SLC25A12: variants seen among roughly 807,000 people sequenced by gnomAD.
SLC25A12 encodes solute carrier family 25 member 12.
In SLC25A12, 32 loss-of-function variants were observed where a neutral mutation model predicts 83.3. The observed-to-expected ratio is 0.38, with a 90% CI of 0.29 to 0.52. The LOEUF (loss-of-function observed/expected upper bound fraction) is 0.52. Among genes scored for constraint, SLC25A12 ranks in the 20% least tolerant of loss-of-function variants. The pLI, the probability that SLC25A12 is intolerant of heterozygous loss-of-function variation, is 0.84. For synonymous variants in SLC25A12, 267 were observed against 291.1 expected (o/e 0.92, Z 0.84); for missense variants, 611 against 835.6 (o/e 0.73, Z 3.31).
chr2:171,804,118 T>C (rs1683771709), intron 13 of SLC25A12, among the ~76,000 whole-genome samples: 1 of 152,190 alleles, frequency 6.6e-6, no homozygotes, highest in South Asian at 2.1e-4. Context: ...CAAACTGTAG[T>C]ATATCCATAT....
At chr2:171,891,658 T>A (rs1685942649) in intron 2 of SLC25A12, among the ~76,000 whole-genome samples, 1 of 152,216 alleles carries the variant, frequency 6.6e-6, no homozygotes, top group East Asian at 1.9e-4. Flanking sequence ...CCGCATCTAC[T>A]TAGTCTAGAA....
chr2:171,808,619 T>C (rs1378867114), intron 13 of SLC25A12, among the ~76,000 whole-genome samples: 1 of 152,208 alleles, frequency 6.6e-6, no homozygotes, highest in Non-Finnish European at 1.5e-5. Flanking sequence ...TTAAAAGGCA[T>C]AGGAATTAGA....
intron 13 of SLC25A12, among the ~76,000 whole-genome samples, chr2:171,806,012 G>C (rs548432683): frequency 1.3e-5 from 2 of 152,244 alleles, no homozygotes; most frequent in East Asian, 3.9e-4. Context: ...GGGAGGCTGA[G>C]AGATGGGAGG....
intron 9 of SLC25A12, among the ~76,000 whole-genome samples, chr2:171,820,617 G>C (rs370879872): frequency 1.6e-5 from 2 of 121,520 alleles, no homozygotes; most frequent in Non-Finnish European, 3.9e-5. Context: ...AGTCCCAGCT[G>C]CTTGGGAGGC....
chr2:171,829,895 C>T (rs1342505801), intron 8 of SLC25A12, among the ~76,000 whole-genome samples: 4 of 152,212 alleles, frequency 2.6e-5, no homozygotes, highest in African/African-American at 9.6e-5. Context: ...CTGATCCTAA[C>T]TGGGACTATA....
chr2:171,892,738 T>A (rs533815500), intron 2 of SLC25A12, among the ~76,000 whole-genome samples: 6 of 152,232 alleles, frequency 3.9e-5, no homozygotes, highest in African/African-American at 1.4e-4. Context: ...CCCCAAGGCT[T>A]AAGGATACAA....
intron 17 of SLC25A12, 42 bp from the exon 18 acceptor site, chr2:171,785,517 G>A: frequency 1.3e-6 from 2 of 1,559,490 alleles, no homozygotes; most frequent in Non-Finnish European, 1.8e-6. Context: ...TGCTCAAGGT[G>A]GATGAGCGCA....
chr2:171,844,595 G>T (rs1684751962), intron 4 of SLC25A12, 87 bp from the exon 5 acceptor site: 1 of 989,220 alleles, frequency 1.0e-6, no homozygotes, highest in Non-Finnish European at 1.5e-6. Flanking sequence ...AAAATTAAGA[G>T]AAGTTTTAAA....
intron 3 of SLC25A12, among the ~76,000 whole-genome samples, chr2:171,863,770 T>G (rs952577040): frequency 6.6e-6 from 1 of 152,220 alleles, no homozygotes; most frequent in African/African-American, 2.4e-5. Flanking sequence ...ATAATTCTGA[T>G]GAAGGACTTA....
At chr2:171,875,910 CAAAA>C (rs34276775) in intron 2 of SLC25A12, among the ~76,000 whole-genome samples, 7 of 98,996 alleles carry the variant, frequency 7.1e-5, no homozygotes, top group East Asian at 2.8e-4. Context: ...GACTCTGTCT[CAAAA>C]AAAAAAAAAA....
At chr2:171,830,300 G>A (rs1158127775) in intron 8 of SLC25A12, among the ~76,000 whole-genome samples, 4 of 151,994 alleles carry the variant, frequency 2.6e-5, no homozygotes, top group East Asian at 1.9e-4. Flanking sequence ...TATGTTTAAC[G>A]TTACAAGCAT....
intron 2 of SLC25A12, among the ~76,000 whole-genome samples, chr2:171,874,776 A>G (rs1032458946): frequency 7.2e-5 from 11 of 152,216 alleles, no homozygotes; most frequent in African/African-American, 2.7e-4. Context: ...GAATTAATGC[A>G]GAAACAGAAA....
Position 171,815,191 on chromosome 2 carries a change from C to A in SLC25A12, c.942G>T (p.Gly314=), listed in dbSNP as rs752010390. ...TCTGGAGCCAGATAGGCCTGCCTAACCCAGGAGACTGCTGCAGAGAAGAAA... is the reference window on the plus strand; with the variant it reads ...TCTGGAGCCAGATAGGCCTGCCTAAACCAGGAGACTGCTGCAGAGAAGAAA... The part of the protein sequence containing the change: ...LAELQRQQSP[G]LGRPIWLQIA... The change falls in exon 10 of 18, where the codon GGG becomes GGT. Residue 314 remains glycine, a synonymous_variant. Transcript: ENST00000422440. 3.3e-5 allele frequency: 54 copies of A among 1,613,164 alleles called. No individual in the cohort carries two copies. The highest frequency in any genetic ancestry group is 6.7e-5 in the African/African-American group (5 of 74,858).
intron 4 of SLC25A12, among the ~76,000 whole-genome samples, chr2:171,845,216 G>C (rs1329666162): frequency 6.6e-6 from 1 of 152,092 alleles, no homozygotes; most frequent in Non-Finnish European, 1.5e-5. Flanking sequence ...ATAGGAACTA[G>C]TCACACTGTG....
At chr2:171,889,876 AGTT>A (rs1372476082) in intron 2 of SLC25A12, among the ~76,000 whole-genome samples, 1 of 152,234 alleles carries the variant, frequency 6.6e-6, no homozygotes, top group Non-Finnish European at 1.5e-5. Flanking sequence ...TGCTTCATAA[AGTT>A]GTTATGAAAA....
At chr2:171,802,193 G>A (rs1221408862) in intron 13 of SLC25A12, among the ~76,000 whole-genome samples, 1 of 151,258 alleles carries the variant, frequency 6.6e-6, no homozygotes, top group South Asian at 2.1e-4. Context: ...TTGTAGAGAT[G>A]GGGGGTCCCA....
intron 10 of SLC25A12, 140 bp downstream of exon 10, chr2:171,814,981 A>C: frequency 1.4e-6 from 1 of 702,930 alleles, no homozygotes. Context: ...GATCATAGGT[A>C]AAAATAAAGA....
intron 2 of SLC25A12, among the ~76,000 whole-genome samples, chr2:171,884,414 C>T (rs991515493): frequency 2.7e-5 from 4 of 149,722 alleles, no homozygotes; most frequent in Non-Finnish European, 5.9e-5. Context: ...TGGTCTCGAA[C>T]TCCTGACCTC....
At chr2:171,892,681 G>C in intron 2 of SLC25A12, among the ~76,000 whole-genome samples, 1 of 151,460 alleles carries the variant, frequency 6.6e-6, no homozygotes, top group East Asian at 1.9e-4. Context: ...TAGAAGTTAA[G>C]GTAGACCATT....
Sources: allele counts gnomAD v4.1 joint callset (sites outside exome capture counted in the v4.1 genomes callset), GRCh38; gene constraint gnomAD v4.1.1; transcripts MANE v1.5; gene names NCBI Gene and HGNC (gene_info 2026-07-23, HGNC 2026-07-21).